The following DNAJB4 variants were observed in gnomAD, a reference collection of about 807,000 sequenced individuals.
DNAJB4 encodes the protein dnaJ homolog subfamily B member 4.
DNAJB4 carries 10 observed loss-of-function variants against 26.6 expected under a neutral mutation model. The ratio of observed to expected loss-of-function variants is 0.38; its 90% CI spans 0.23 to 0.64. DNAJB4 has a LOEUF of 0.64. Among genes scored for constraint, DNAJB4 ranks in the 30% least tolerant of loss-of-function variants. The probability of loss-of-function intolerance (pLI) is 0.58; values close to 1 mark genes in which losing one functional copy is unlikely to be tolerated. For missense variants in DNAJB4, 328 were observed against 408.2 expected (o/e 0.80, Z 1.69); for synonymous variants, 136 against 134.8 (o/e 1.01, Z -0.06).
chr1:78,000,819 T>C (rs1660172573), upstream of DNAJB4, among the ~76,000 whole-genome samples: 2 of 152,004 alleles, frequency 1.3e-5, no homozygotes, highest in Admixed American at 1.3e-4. Context: ...TCGTCTCTAC[T>C]AAAAATACAA....
Position 78,005,033 on chromosome 1 carries a change from C to G in DNAJB4, c.-78C>G, listed in dbSNP as rs1373758502. ...AAAATACCCAGCTTGGTTTATTTTT[C>G]TTAGAATCTGTTGCTAAGACTGGGG... On this transcript the variant is annotated 5_prime_UTR_variant, in exon 1 of 3. Coordinates refer to ENST00000370763, the MANE Select transcript of DNAJB4 (RefSeq NM_007034.5). 9.7e-6 allele frequency: 14 copies of G among 1,438,188 alleles called. No individual in the cohort carries two copies. Among genetic ancestry groups the G allele is most frequent in the Non-Finnish European group, 1.0e-5 (11 of 1,050,024 alleles). The allele number at this position is 1,438,188 out of a possible 1,614,324, so 89.1% of individuals were successfully genotyped here.
intron 1 of DNAJB4, among the ~76,000 whole-genome samples, chr1:77,993,856 A>G (rs969098642): frequency 6.6e-6 from 1 of 152,192 alleles, no homozygotes; most frequent in African/African-American, 2.4e-5. Context: ...TCTTTAGACA[A>G]TTATAATAGT....
At chr1:77,991,681 A>G (rs926046073) in intron 1 of DNAJB4, among the ~76,000 whole-genome samples, 6 of 152,136 alleles carry the variant, frequency 3.9e-5, no homozygotes, top group Admixed American at 3.3e-4. Context: ...TCTCCTTTTC[A>G]TGGTCCATTT....
intron 1 of DNAJB4, among the ~76,000 whole-genome samples, chr1:77,996,706 T>A (rs543557566): frequency 5.3e-5 from 8 of 152,312 alleles, no homozygotes; most frequent in African/African-American, 1.9e-4. Context: ...ACTTGGGGAA[T>A]TACTAATATT....
intron 1 of DNAJB4, among the ~76,000 whole-genome samples, chr1:78,011,184 G>T (rs1442602259): frequency 6.6e-6 from 1 of 152,100 alleles, no homozygotes; most frequent in African/African-American, 2.4e-5. Context: ...TCTTTTGTGG[G>T]TTAAATATTA....
In DNAJB4 at chr1:78,016,366, T is replaced by G; in HGVS notation, c.*119T>G. 1 of 833,954 alleles carries G rather than the reference T, an allele frequency of 1.2e-6. No homozygotes were observed. Among genetic ancestry groups the G allele is most frequent in the South Asian group, 1.9e-5 (1 of 53,772 alleles). The allele number at this position is 833,954 out of a possible 1,614,324, so 51.7% of individuals were successfully genotyped here. A position where few individuals can be genotyped will look rare whatever the true frequency, so the allele number is the denominator to read the frequency against. On this transcript the variant is annotated 3_prime_UTR_variant, in exon 3 of 3. Coordinates refer to ENST00000370763, the MANE Select transcript of DNAJB4 (RefSeq NM_007034.5). Reference sequence around the variant, plus strand: ...TGTGTAAATTCTTTTGAGGGTTCATTAAATTGCATGAATAGAGACGGGTCA... The same window carrying G: ...TGTGTAAATTCTTTTGAGGGTTCATGAAATTGCATGAATAGAGACGGGTCA...
chr1:77,979,215 A>C (rs570130793), upstream of DNAJB4: 2,911 of 555,046 alleles, frequency 5.2e-3, 21 homozygotes, highest in Middle Eastern at 0.019. Context: ...CGACAGGAAC[A>C]GAGACGTCGC....
intron 1 of DNAJB4, among the ~76,000 whole-genome samples, chr1:77,984,893 T>G (rs2102586358): frequency 6.6e-6 from 1 of 152,306 alleles, no homozygotes; most frequent in South Asian, 2.1e-4. Flanking sequence ...TTTGTTTCAT[T>G]TTATATTGGA....
chr1:78,010,376 C>T (rs988666342), intron 1 of DNAJB4, among the ~76,000 whole-genome samples: 13 of 151,614 alleles, frequency 8.6e-5, no homozygotes, highest in African/African-American at 3.2e-4. Context: ...ACATATTATT[C>T]TATCATTAAA....
chr1:77,998,120 T>C (rs1014463611), intron 1 of DNAJB4, among the ~76,000 whole-genome samples: 30 of 152,314 alleles, frequency 2.0e-4, no homozygotes, highest in Admixed American at 7.2e-4. Context: ...CATTTCGTTA[T>C]TAACTTTTTA....
chr1:78,011,412 A>G (rs1017628606), intron 1 of DNAJB4, among the ~76,000 whole-genome samples: 3 of 152,218 alleles, frequency 2.0e-5, no homozygotes, highest in South Asian at 4.1e-4. Context: ...TAGTGTCTAA[A>G]AAACCATTTT....
At chr1:77,994,691 A>T (rs1240226832) in intron 1 of DNAJB4, among the ~76,000 whole-genome samples, 1 of 152,196 alleles carries the variant, frequency 6.6e-6, no homozygotes, top group East Asian at 1.9e-4. Context: ...AGAAAAGATA[A>T]AAGTGAAAAT....
upstream of DNAJB4, among the ~76,000 whole-genome samples, chr1:78,001,002 A>AC (rs397762725): frequency 6.6e-6 from 1 of 151,190 alleles, no homozygotes; most frequent in East Asian, 1.9e-4. Context: ...CAAAAAAAAA[A>AC]GAAATTTCAG....
At chr1:77,987,270 A>G (rs1326781219) in intron 1 of DNAJB4, among the ~76,000 whole-genome samples, 1 of 151,962 alleles carries the variant, frequency 6.6e-6, no homozygotes, top group Non-Finnish European at 1.5e-5. Flanking sequence ...ACTCTTCCCA[A>G]ATTTTTCTCT....
upstream of DNAJB4, chr1:77,979,678 A>C (rs1210459219): frequency 2.0e-5 from 3 of 152,220 alleles, no homozygotes; most frequent in Non-Finnish European, 4.4e-5. Context: ...TTTTATCACG[A>C]GGGTGGGTGT....
At chr1:78,006,032 C>T (rs1413947204) in intron 1 of DNAJB4, among the ~76,000 whole-genome samples, 4 of 152,124 alleles carry the variant, frequency 2.6e-5, no homozygotes, top group Non-Finnish European at 4.4e-5. Context: ...CTAAAATGGC[C>T]ACCTAGTTAG....
intron 1 of DNAJB4, among the ~76,000 whole-genome samples, chr1:77,987,987 A>G: frequency 6.7e-6 from 1 of 148,458 alleles, no homozygotes; most frequent in East Asian, 1.9e-4. Context: ...ATATATATAC[A>G]TAATATATAT....
At chr1:77,979,209 A>G (rs1659372230), upstream of DNAJB4, 4 of 559,326 alleles carry the variant, frequency 7.2e-6, no homozygotes, top group African/African-American at 3.8e-5. Context: ...AAAGAACGAC[A>G]GGAACAGAGA....
chr1:77,981,824 C>T (rs930387255), intron 1 of DNAJB4, among the ~76,000 whole-genome samples: 3 of 152,140 alleles, frequency 2.0e-5, no homozygotes, highest in Non-Finnish European at 4.4e-5. Flanking sequence ...CAAAAGGCCT[C>T]TTTGAATATT....
Sources: gnomAD v4.1 joint callset for allele counts (sites outside exome capture counted in the v4.1 genomes callset) on GRCh38, gnomAD v4.1.1 for gene constraint, MANE v1.5 for transcripts, NCBI Gene and HGNC (gene_info 2026-07-23, HGNC 2026-07-21) for gene names.